The following DIP2B variants were observed in gnomAD, a reference collection of about 807,000 sequenced individuals.
DIP2B encodes the protein DIP2 acetate--CoA ligase B (putative).
A neutral mutation model predicts 198.0 loss-of-function variants in DIP2B; 76 were observed. That is an observed-to-expected ratio of 0.38 (90% CI 0.32 to 0.46). The LOEUF is 0.46. DIP2B is among the 20% of genes least tolerant of loss of function. The probability of loss-of-function intolerance (pLI) is 0.99; values close to 1 mark genes in which losing one functional copy is unlikely to be tolerated. For synonymous variants in DIP2B, 701 were observed against 739.1 expected, an observed-to-expected ratio of 0.95 and a Z score of 0.84; for missense variants, 1,559 against 1,978.4, an observed-to-expected ratio of 0.79 and a Z score of 4.02.
intron 1 of DIP2B, among the ~76,000 whole-genome samples, chr12:50,536,579 T>G (rs1467593967): frequency 2.0e-5 from 3 of 151,866 alleles, no homozygotes; most frequent in African/African-American, 7.3e-5. Flanking sequence ...GTTTTGTTTT[T>G]TTTTTTGAGA....
At position 50,671,603 on chromosome 12, in the gene DIP2B, C is replaced by T. The variant is rs143094906; in HGVS notation, c.640+205C>T. On this transcript the variant is annotated intron_variant, in intron 5 of 37. Transcript: ENST00000301180. ...ATAGATAACACCTGCATTATTGGTG[C>T]GTAGTTTTGCCCACCTGAAGCCATA... 4.6e-5 allele frequency among the ~76,000 whole-genome samples: 7 copies of T among 152,300 alleles called. No homozygotes were observed. The East Asian group carries it at 7.7e-4, about 17-fold the overall frequency.
chr12:50,590,911 T>A lies in DIP2B; in HGVS notation c.101-35065T>A, dbSNP rs74785878. ...GAATGTGTTGCCTCCAAAATTCAGG[T>A]GTTGCCAATGTGATACTTTTAAGAG... On this transcript the variant is annotated intron_variant, in intron 1 of 37. Transcript: ENST00000301180. Among the ~76,000 whole-genome samples the A allele has an allele frequency of 2.9e-3, 447 of 152,284 alleles. 5 individuals are homozygous for A. Among genetic ancestry groups the A allele is most frequent in the African/African-American group, 0.01 (424 of 41,556 alleles).
At chr12:50,646,802 G>A (rs1257891354) in intron 3 of DIP2B, among the ~76,000 whole-genome samples, 3 of 151,998 alleles carry the variant, frequency 2.0e-5, no homozygotes, top group Admixed American at 6.6e-5. Flanking sequence ...GTACTAACTC[G>A]CTTTGCCACC....
Position 50,554,699 on chromosome 12 carries a change from A to G in DIP2B, c.100+49459A>G, listed in dbSNP as rs368413949. Among the ~76,000 whole-genome samples the G allele has an allele frequency of 8.6e-5, 13 of 151,702 alleles. No homozygotes were observed. In the East Asian group the frequency reaches 1.2e-3, roughly 14 times the overall value. ...TGTATATTCTGTGTCTCGTGTCTTTACCTTTTTGAGCTTACTTCTTCACTT... is the reference window on the plus strand; with the variant it reads ...TGTATATTCTGTGTCTCGTGTCTTTGCCTTTTTGAGCTTACTTCTTCACTT... On this transcript the variant is annotated intron_variant, in intron 1 of 37. Transcript: ENST00000301180.
In DIP2B at chr12:50,634,151, A is replaced by G. The variant is rs747190732; in HGVS notation, c.173-6573A>G. Among the ~76,000 whole-genome samples the G allele has an allele frequency of 6.6e-4, 100 of 152,308 alleles. 1 individual carries two copies. The Middle Eastern group carries it at 0.014, about 21-fold the overall frequency. On this transcript the variant is annotated intron_variant, in intron 2 of 37. Transcript: ENST00000301180. Reference sequence around the variant, plus strand: ...TAGTTGGAGGCTACTGTGGCCAAGTATAAAGCTTCCCACATGTCTCAATTA... The same window carrying G: ...TAGTTGGAGGCTACTGTGGCCAAGTGTAAAGCTTCCCACATGTCTCAATTA...
chr12:50,580,884 AAG>A (rs1418624654), intron 1 of DIP2B, among the ~76,000 whole-genome samples: 1 of 149,138 alleles, frequency 6.7e-6, no homozygotes, highest in Non-Finnish European at 1.5e-5. Context: ...TCCATCAACA[AAG>A]AATTATCTAG....
At chr12:50,719,128 T>A in intron 25 of DIP2B, 93 bp downstream of exon 25, 1 of 1,352,392 alleles carries the variant, frequency 7.4e-7, no homozygotes, top group African/African-American at 1.5e-5. Context: ...AAAATTTCTG[T>A]TGCCATCTCT....
At chr12:50,540,542 A>C (rs991880382) in intron 1 of DIP2B, among the ~76,000 whole-genome samples, 13 of 149,630 alleles carry the variant, frequency 8.7e-5, no homozygotes, top group African/African-American at 3.2e-4. Flanking sequence ...ATGATTAAAA[A>C]AATTCTTTTT....
chr12:50,536,106 C>G (rs1400616980), intron 1 of DIP2B, among the ~76,000 whole-genome samples: 3 of 151,678 alleles, frequency 2.0e-5, no homozygotes, highest in African/African-American at 7.3e-5. Context: ...CATTGTTGGA[C>G]ATTTGGGTTG....
At chr12:50,567,747 C>T (rs534677750) in intron 1 of DIP2B, among the ~76,000 whole-genome samples, 59 of 152,242 alleles carry the variant, frequency 3.9e-4, no homozygotes, top group Admixed American at 7.2e-4. Context: ...AGGCTGGTCT[C>T]GAACTCCTGA....
intron 1 of DIP2B, among the ~76,000 whole-genome samples, chr12:50,508,658 T>C (rs7310522): frequency 0.94 from 142,823 of 152,152 alleles, 67,702 homozygotes; most frequent in East Asian, 1. Flanking sequence ...ATTTAAATAT[T>C]TGTGCTGTCA....
At chr12:50,741,608 T>C in intron 37 of DIP2B, 69 bp downstream of exon 37, 2 of 1,542,322 alleles carry the variant, frequency 1.3e-6, no homozygotes, top group South Asian at 1.2e-5. Flanking sequence ...ATCTAATTAA[T>C]TGGTCATTGG....
chr12:50,712,308 A>T (rs2250752), intron 22 of DIP2B, among the ~76,000 whole-genome samples: 2 of 152,076 alleles, frequency 1.3e-5, no homozygotes, highest in South Asian at 2.1e-4. Context: ...TAGTATTAAC[A>T]GTTGGTCAGT....
rs572523215 is a variant in DIP2B, at chr12:50,591,387, C to T, written c.101-34589C>T. 5.3e-5 allele frequency among the ~76,000 whole-genome samples: 8 copies of T among 151,700 alleles called. No individual in the cohort carries two copies. The South Asian group carries it at 1.7e-3, about 32-fold the overall frequency. ...TTTTTTTTAAATCCTAATCTTTTCC[C>T]CATTGTATTCCTTTTTTAAAATTCT... On this transcript the variant is annotated intron_variant, in intron 1 of 37. Coordinates refer to ENST00000301180, the MANE Select transcript of DIP2B (RefSeq NM_173602.3).
chr12:50,728,602 T>C lies in DIP2B; in HGVS notation c.3565T>C (p.Leu1189=). 2 of 1,614,126 alleles carry C rather than the reference T, an allele frequency of 1.2e-6. No homozygotes were observed. Among genetic ancestry groups the C allele is most frequent in the Non-Finnish European group, 1.7e-6 (2 of 1,180,006 alleles). The part of the protein sequence containing the change: ...LCRAIKLQCE[L]YSSRQIAICL... ...TCGAGCCATCAAGCTCCAGTGTGAG[T>C]TGTACTCTTCTCGGCAGATCGCCAT... The change falls in exon 30 of 38, where the codon TTG becomes CTG. Residue 1189 remains leucine (L), a synonymous_variant. Transcript: ENST00000301180.
rs557820026 is a variant in DIP2B at position 50,667,732 on chromosome 12, A to G, written c.428-3454A>G. Among the ~76,000 whole-genome samples the G allele has an allele frequency of 2.0e-5, 3 of 152,346 alleles. No individual in the cohort carries two copies. In the South Asian group the frequency reaches 6.2e-4, roughly 32 times the overall value. ...CTGCTATCTTTCCCTTCATGTTTAT[A>G]GGAAGCAATTAGCCATTTAAATTAC... On this transcript the variant is annotated intron_variant, in intron 4 of 37. Coordinates refer to ENST00000301180, the MANE Select transcript of DIP2B (RefSeq NM_173602.3).
At chr12:50,560,665 T>A (rs1489865284) in intron 1 of DIP2B, among the ~76,000 whole-genome samples, 1 of 152,148 alleles carries the variant, frequency 6.6e-6, no homozygotes, top group African/African-American at 2.4e-5. Context: ...GCATGAGAAT[T>A]GCTTGAAGCC....
intron 1 of DIP2B, among the ~76,000 whole-genome samples, chr12:50,531,905 A>G (rs1958220388): frequency 6.6e-6 from 1 of 152,238 alleles, no homozygotes; most frequent in South Asian, 2.1e-4. Context: ...TTGATGGCCA[A>G]ACAAATGAAT....
chr12:50,736,705 T>G (rs962362725), intron 34 of DIP2B, among the ~76,000 whole-genome samples: 7 of 152,186 alleles, frequency 4.6e-5, no homozygotes, highest in African/African-American at 1.7e-4. Flanking sequence ...AGAAAGAACA[T>G]GAAAAGGGAA....
Sources: allele counts gnomAD v4.1 joint callset (sites outside exome capture counted in the v4.1 genomes callset), GRCh38; gene constraint gnomAD v4.1.1; transcripts MANE v1.5; gene names NCBI Gene and HGNC (gene_info 2026-07-23, HGNC 2026-07-21).